SLC26A7: variants seen among roughly 807,000 people sequenced by gnomAD.
SLC26A7 encodes anion exchange transporter.
Under a neutral mutation model 82.5 loss-of-function variants are expected in SLC26A7, and 59 were observed. That is an observed-to-expected ratio of 0.72 (90% CI 0.58 to 0.89). SLC26A7 has a LOEUF of 0.89. SLC26A7 is among the 40% of genes least tolerant of loss of function. SLC26A7 has a pLI of 0.00. For missense variants in SLC26A7, 820 were observed against 793.0 expected, an observed-to-expected ratio of 1.03 and a Z score of -0.41; for synonymous variants, 271 against 274.3, an observed-to-expected ratio of 0.99 and a Z score of 0.12.
chr8:91,239,737 T>C (rs1810449051), intron 2 of SLC26A7, among the ~76,000 whole-genome samples: 1 of 152,178 alleles, frequency 6.6e-6, no homozygotes, highest in Non-Finnish European at 1.5e-5. Flanking sequence ...TTTGTTGACA[T>C]AGGATTGACA....
In SLC26A7 at chr8:91,389,654, GATCAGAATATTTGCATGGGGTAGTCAGA is replaced by G. The variant is rs560578342; in HGVS notation, c.1776+217_1776+244del. ...GTTGTATGTATGTGTGAGGGTCAGG[GATCAGAATATTTGCATGGGGTAGTCAGA>G]GAGAACAGTACATAGACTTGAGATA... is the stretch of plus-strand genomic sequence containing the variant. On this transcript the variant is annotated intron_variant, in intron 16 of 18. Coordinates refer to ENST00000276609, the MANE Select transcript of SLC26A7 (RefSeq NM_052832.4). Among the ~76,000 whole-genome samples the G allele has an allele frequency of 5.1e-4, 78 of 152,272 alleles. 1 individual carries two copies. The highest frequency in any genetic ancestry group is 1.0e-3 in the Non-Finnish European group (68 of 68,006).
intron 1 of SLC26A7, chr8:91,218,819 C>A: frequency 3.1e-6 from 3 of 958,618 alleles, no homozygotes; most frequent in Non-Finnish European, 4.6e-6. Context: ...TCTGAGAAAG[C>A]AAATATTTAT....
At chr8:91,221,512 C>A (rs529904938) in intron 2 of SLC26A7, among the ~76,000 whole-genome samples, 8 of 152,090 alleles carry the variant, frequency 5.3e-5, no homozygotes, top group Non-Finnish European at 7.4e-5. Flanking sequence ...TTAAGTCTTA[C>A]ATTAAGTCTT....
chr8:91,239,395 A>T (rs4734448), intron 2 of SLC26A7, among the ~76,000 whole-genome samples: 11,417 of 93,374 alleles, frequency 0.12, 586 homozygotes, highest in Middle Eastern at 0.23. Flanking sequence ...AAAAAAAAAA[A>T]ATATATATAT....
intron 6 of SLC26A7, among the ~76,000 whole-genome samples, chr8:91,337,744 A>T (rs1813282800): frequency 6.6e-6 from 1 of 152,198 alleles, no homozygotes; most frequent in South Asian, 2.1e-4. Context: ...AAACTCTTGA[A>T]AGGCTGCTGT....
intron 2 of SLC26A7, among the ~76,000 whole-genome samples, chr8:91,287,396 G>T (rs545974007): frequency 6.6e-6 from 1 of 152,168 alleles, no homozygotes; most frequent in Non-Finnish European, 1.5e-5. Context: ...TATTCATATG[G>T]TAAGATAAGA....
At chr8:91,221,124 G>A (rs1210176735) in intron 2 of SLC26A7, among the ~76,000 whole-genome samples, 2 of 152,220 alleles carry the variant, frequency 1.3e-5, no homozygotes, top group Admixed American at 6.5e-5. Flanking sequence ...GATCAGTGAT[G>A]TTGAGCTTTT....
chr8:91,253,377 T>C (rs1810712168), intron 2 of SLC26A7, among the ~76,000 whole-genome samples: 1 of 152,094 alleles, frequency 6.6e-6, no homozygotes, highest in Admixed American at 6.6e-5. Context: ...CCCCTCTCAT[T>C]TTAACTAAGT....
chr8:91,304,186 CA>C (rs1276374109), intron 4 of SLC26A7, among the ~76,000 whole-genome samples: 1 of 152,100 alleles, frequency 6.6e-6, no homozygotes, highest in Non-Finnish European at 1.5e-5. Flanking sequence ...CCCTATTATA[CA>C]GATAAAGATA....
intron 2 of SLC26A7, among the ~76,000 whole-genome samples, chr8:91,234,117 G>A (rs778934999): frequency 6.6e-6 from 1 of 152,098 alleles, no homozygotes; most frequent in Non-Finnish European, 1.5e-5. Flanking sequence ...TTTTTCACTA[G>A]TATAATCCTC....
chr8:91,376,779 G>A (rs1169544671), intron 15 of SLC26A7, among the ~76,000 whole-genome samples: 1 of 152,136 alleles, frequency 6.6e-6, no homozygotes, highest in Non-Finnish European at 1.5e-5. Flanking sequence ...GATGGCAAGG[G>A]GAGATCATGT....
chr8:91,271,740 G>A (rs1392802981), intron 2 of SLC26A7, among the ~76,000 whole-genome samples: 4 of 151,988 alleles, frequency 2.6e-5, no homozygotes, highest in African/African-American at 7.2e-5. Flanking sequence ...GACTACAGGC[G>A]CCTGCCACCA....
intron 1 of SLC26A7, among the ~76,000 whole-genome samples, chr8:91,217,268 A>G (rs1476004463): frequency 6.6e-6 from 1 of 152,160 alleles, no homozygotes; most frequent in Non-Finnish European, 1.5e-5. Flanking sequence ...AAGAAACCCA[A>G]CTCATATACC....
chr8:91,317,253 A>G lies in SLC26A7; in HGVS notation c.478-963A>G, dbSNP rs529065729. On this transcript the variant is annotated intron_variant, in intron 4 of 18. Coordinates refer to ENST00000276609, the MANE Select transcript of SLC26A7 (RefSeq NM_052832.4). ...GCAGAGTTCAATGCACAGCTTCTAC[A>G]TAGAGATGATGATTCTGCCTGGTCA... Among the ~76,000 whole-genome samples, 40 of 152,198 alleles carry G rather than the reference A, an allele frequency of 2.6e-4. 1 individual carries two copies. In the South Asian group the frequency reaches 7.9e-3, roughly 30 times the overall value.
At chr8:91,295,110 G>A (rs1811980267) in intron 3 of SLC26A7, among the ~76,000 whole-genome samples, 3 of 152,134 alleles carry the variant, frequency 2.0e-5, no homozygotes, top group African/African-American at 7.2e-5. Context: ...CTTAAATACT[G>A]AAATGTAGGC....
intron 15 of SLC26A7, among the ~76,000 whole-genome samples, chr8:91,372,012 T>G (rs1336035279): frequency 2.6e-5 from 4 of 152,040 alleles, no homozygotes; most frequent in African/African-American, 9.6e-5. Context: ...TTTTTCATGT[T>G]TGTTGGTCGC....
intron 1 of SLC26A7, among the ~76,000 whole-genome samples, chr8:91,213,003 A>G (rs1178285665): frequency 6.6e-6 from 1 of 152,212 alleles, no homozygotes; most frequent in Non-Finnish European, 1.5e-5. Context: ...TGCTGGATAC[A>G]GTCACAGTAG....
chr8:91,307,349 C>T (rs1313028983), intron 4 of SLC26A7, among the ~76,000 whole-genome samples: 7 of 133,376 alleles, frequency 5.2e-5, no homozygotes, highest in South Asian at 2.6e-4. Context: ...CACATGCACA[C>T]GTATGTTTAT....
rs760094718 is a variant in SLC26A7, at chr8:91,334,380, T to C, written c.728T>C (p.Leu243Pro). 4 of 1,613,448 alleles carry C rather than the reference T, an allele frequency of 2.5e-6. No individual in the cohort carries two copies. Among genetic ancestry groups the C allele is most frequent in the Admixed American group, 3.3e-5 (2 of 59,958 alleles). Reference sequence around the variant, plus strand: ...TTGCTGAGCATTGTGGTCCTTGTTCTTGTTAAAGAGCTGAATGAACAGTTT... The same window carrying C: ...TTGCTGAGCATTGTGGTCCTTGTTCCTGTTAAAGAGCTGAATGAACAGTTT... The part of the protein sequence containing the change: ...LSLLSIVVLV[L>P]VKELNEQFKR... The change falls in exon 6 of 19, where the codon CTT becomes CCT. Residue 243 changes from leucine to proline, a missense_variant. By Grantham distance (98) the Leu-to-Pro change is moderately conservative. Transcript: ENST00000276609.
Sources: allele counts gnomAD v4.1 joint callset (sites outside exome capture counted in the v4.1 genomes callset), GRCh38; gene constraint gnomAD v4.1.1; transcripts MANE v1.5; gene names NCBI Gene and HGNC (gene_info 2026-07-23, HGNC 2026-07-21).